CRYGN: variants seen among roughly 807,000 people sequenced by gnomAD.
CRYGN encodes the protein gamma-crystallin N.
Under a neutral mutation model 19.2 loss-of-function variants are expected in CRYGN, and 17 were observed. The observed-to-expected ratio is 0.89, with a 90% CI of 0.61 to 1.33. The LOEUF is 1.33. Ranked by LOEUF, CRYGN falls within the 40% of genes most tolerant of loss-of-function variation. CRYGN has a pLI of 0.00. For missense variants in CRYGN, 239 were observed against 239.6 expected (o/e 1.00, Z 0.02); for synonymous variants, 84 against 85.8 (o/e 0.98, Z 0.12).
rs779045162 is a variant in CRYGN, at chr7:151,435,865, C to A, written c.416+315G>T. On this transcript the variant is annotated intron_variant, in intron 3 of 3. Coordinates refer to ENST00000337323, the MANE Select transcript of CRYGN (RefSeq NM_144727.3). The surrounding 1 kb of genome is among the most constrained non-coding windows in gnomAD (Gnocchi z 4.2). ...TTGTATCAGATCAATCGCAGAGAAC[C>A]GTGCAACTTTCAAGGTACTCTCCTA... 6.6e-6 allele frequency among the ~76,000 whole-genome samples: 1 copy of A among 152,152 alleles called. No individual in the cohort carries two copies. The highest frequency in any genetic ancestry group is 2.1e-4 in the South Asian group (1 of 4,832).
At position 151,430,070 on chromosome 7, in the gene CRYGN, G is replaced by T; in HGVS notation, c.527C>A (p.Pro176His). The change falls in exon 4 of 4, where the codon CCT (proline) becomes CAT (histidine). Residue 176 changes from proline to histidine, a missense_variant. Physicochemically the swap from Pro to His is moderately conservative, Grantham distance 77. Transcript: ENST00000337323. The surrounding 1 kb of genome is among the most constrained non-coding windows in gnomAD (Gnocchi z 5.2). ...ATTKPATTQP[P>H]FLTANL ...GGCTCAGAGGTTTGCAGTCAGGAAA[G>T]GTGGCTGGGTTGTTGCTGGTTTTGT... 7.8e-7 allele frequency: 1 copy of T among 1,284,190 alleles called. No homozygotes were observed. Among genetic ancestry groups the T allele is most frequent in the Non-Finnish European group, 1.1e-6 (1 of 878,628 alleles). The allele number at this position is 1,284,190 out of a possible 1,614,324, so 79.5% of individuals were successfully genotyped here. A position where few individuals can be genotyped will look rare whatever the true frequency, so the allele number is the denominator to read the frequency against.
Position 151,439,954 on chromosome 7 carries a change from C to A in CRYGN, c.-37G>T, listed in dbSNP as rs1396049255. ...CCCCTTCCGCGGGTCCCCGTTTACA[C>A]CGGGCAGCGCCCTGCTGGCTCAGCG... is the stretch of plus-strand genomic sequence containing the variant. On this transcript the variant is annotated 5_prime_UTR_variant, in exon 1 of 4. Transcript: ENST00000337323. 10 of 1,508,566 alleles carry A rather than the reference C, an allele frequency of 6.6e-6. No individual in the cohort carries two copies. The highest frequency in any genetic ancestry group is 8.0e-6 in the Non-Finnish European group (9 of 1,128,304). 93.4% of individuals were successfully genotyped at this position (1,508,566 alleles called of 1,614,324 possible).
At chr7:151,440,154 T>G, upstream of CRYGN, 2 of 1,292,254 alleles carry the variant, frequency 1.5e-6, no homozygotes, top group Non-Finnish European at 2.0e-6. Flanking sequence ...CTCCCGAGCC[T>G]CCTTCCTCCC....
In CRYGN at chr7:151,435,600, A is replaced by G. The variant is rs1182166855; in HGVS notation, c.416+580T>C. On this transcript the variant is annotated intron_variant, in intron 3 of 3. Coordinates refer to ENST00000337323, the MANE Select transcript of CRYGN (RefSeq NM_144727.3). This position sits in a 1 kb window ranked among gnomAD's most constrained non-coding sequence, Gnocchi z 4.2. ...GGGCCTGGGCAAAATTCCCCCAGCT[A>G]CTTTCTGTCCAGGAGTGAGCCACCC... 1.3e-5 allele frequency among the ~76,000 whole-genome samples: 2 copies of G among 151,768 alleles called. No homozygotes were observed. The highest frequency in any genetic ancestry group is 2.9e-5 in the Non-Finnish European group (2 of 67,984).
chr7:151,432,056 T>A (rs1801481224), intron 3 of CRYGN: 2 of 548,232 alleles, frequency 3.6e-6, no homozygotes, highest in Non-Finnish European at 5.5e-6. Flanking sequence ...CTTTGAGGAC[T>A]TTTATCGCCC....
chr7:151,437,495 G>C (rs75866405), intron 2 of CRYGN, among the ~76,000 whole-genome samples: 44 of 152,222 alleles, frequency 2.9e-4, no homozygotes, highest in Non-Finnish European at 4.4e-4. Flanking sequence ...CCTCTTGGGC[G>C]GCAGCTACCT....
chr7:151,437,254 G>C (rs894466297), intron 2 of CRYGN, among the ~76,000 whole-genome samples: 1 of 152,168 alleles, frequency 6.6e-6, no homozygotes, highest in Non-Finnish European at 1.5e-5. Flanking sequence ...CCCAGGCGTC[G>C]GGGGAGGGTC....
chr7:151,438,493 A>ATT (rs1430134873), intron 1 of CRYGN, among the ~76,000 whole-genome samples: 2 of 152,168 alleles, frequency 1.3e-5, no homozygotes, highest in East Asian at 1.9e-4. Flanking sequence ...GGGCAGACAA[A>ATT]TTTCAGCAGC....
chr7:151,431,097 C>T lies in CRYGN; in HGVS notation c.417-917G>A, dbSNP rs112264562. Among the ~76,000 whole-genome samples the T allele has an allele frequency of 4.9e-4, 74 of 152,328 alleles. No homozygotes were observed. The highest frequency in any genetic ancestry group is 1.7e-3 in the African/African-American group (71 of 41,566). ...AAGCCCAGAGCACTCCATCTGTTGC[C>T]TCCTTCTGGGGTGGGCTATGGTTTC... On this transcript the variant is annotated intron_variant, in intron 3 of 3. Transcript: ENST00000337323. The surrounding 1 kb of genome is among the most constrained non-coding windows in gnomAD (Gnocchi z 4.8).
chr7:151,439,923 G>T lies in CRYGN; in HGVS notation c.-6C>A, dbSNP rs1473325352. The T allele has an allele frequency of 5.8e-6, 9 of 1,541,440 alleles. No homozygotes were observed. The highest frequency in any genetic ancestry group is 2.0e-5 in the Admixed American group (1 of 50,624). ...TTCCCCGAGCGCTGCGCCATGGTGC[G>T]CCCCGCCCCTTCCGCGGGTCCCCGT... On this transcript the variant is annotated 5_prime_UTR_variant, in exon 1 of 4. Transcript: ENST00000337323.
At position 151,429,300 on chromosome 7, in the gene CRYGN, CT is replaced by C. The variant is rs1801414657; in HGVS notation, c.*747del. ...TCCTGTGATGCCACTCCCCTGCCTG[CT>C]TCCCCACCCCGTCACCTACTGGGTC... is the stretch of plus-strand genomic sequence containing the variant. On this transcript the variant is annotated 3_prime_UTR_variant, in exon 4 of 4. Transcript: ENST00000337323. 6.6e-6 allele frequency: 1 copy of C among 152,346 alleles called. No homozygotes were observed. The highest frequency in any genetic ancestry group is 2.4e-5 in the African/African-American group (1 of 41,440). 9.4% of individuals were successfully genotyped at this position (152,346 alleles called of 1,614,324 possible).
rs1563080336 is a variant in CRYGN, at chr7:151,433,535, G to T, written c.416+2645C>A. ...AGAGAGAGGCAGAGGGTGTGAGCCA[G>T]CCTGGAGCACCTGCTGGGGGACTCA... On this transcript the variant is annotated intron_variant, in intron 3 of 3. Coordinates refer to ENST00000337323, the MANE Select transcript of CRYGN (RefSeq NM_144727.3). The surrounding 1 kb of genome is among the most constrained non-coding windows in gnomAD (Gnocchi z 5.1). 6.4e-6 allele frequency: 1 copy of T among 155,196 alleles called. No individual in the cohort carries two copies. The highest frequency in any genetic ancestry group is 1.5e-5 in the Non-Finnish European group (1 of 68,522). 9.6% of individuals were successfully genotyped at this position (155,196 alleles called of 1,614,324 possible).
rs569151957 is a variant in CRYGN at position 151,431,172 on chromosome 7, G to C, written c.417-992C>G. Among the ~76,000 whole-genome samples, 1 of 152,322 alleles carries C rather than the reference G, an allele frequency of 6.6e-6. No individual in the cohort carries two copies. Among genetic ancestry groups the C allele is most frequent in the Admixed American group, 6.5e-5 (1 of 15,304 alleles). On this transcript the variant is annotated intron_variant, in intron 3 of 3. Coordinates refer to ENST00000337323, the MANE Select transcript of CRYGN (RefSeq NM_144727.3). This position sits in a 1 kb window ranked among gnomAD's most constrained non-coding sequence, Gnocchi z 4.8. ...CTCTGCTGGAGGGCTGCCGGCAGCAGGGAGTTACCTGGGCCACCCCCAGGG... is the reference window on the plus strand; with the variant it reads ...CTCTGCTGGAGGGCTGCCGGCAGCACGGAGTTACCTGGGCCACCCCCAGGG...
Position 151,436,421 on chromosome 7 carries a change from A to C in CRYGN, c.271-96T>G. On this transcript the variant is annotated intron_variant, in intron 2 of 3. Transcript: ENST00000337323. This position sits in a 1 kb window ranked among gnomAD's most constrained non-coding sequence, Gnocchi z 5.1. The stretch of plus-strand genomic sequence containing the variant: ...CCCATGCAGGAAGGAATTAGGAGGT[A>C]CCCAAGGCACTGGGCACCCCCACCC... 2 of 1,198,804 alleles carry C rather than the reference A, an allele frequency of 1.7e-6. No homozygotes were observed. Among genetic ancestry groups the C allele is most frequent in the Non-Finnish European group, 2.3e-6 (2 of 886,762 alleles). 74.3% of individuals were successfully genotyped at this position (1,198,804 alleles called of 1,614,324 possible).
At chr7:151,432,464 G>A (rs1483528675) in intron 3 of CRYGN, among the ~76,000 whole-genome samples, 1 of 152,200 alleles carries the variant, frequency 6.6e-6, no homozygotes, top group Non-Finnish European at 1.5e-5. Flanking sequence ...CCATGCTGGG[G>A]TGTGACATGT....
Position 151,429,978 on chromosome 7 carries a change from T to C in CRYGN, c.*70A>G. On this transcript the variant is annotated 3_prime_UTR_variant, in exon 4 of 4. Coordinates refer to ENST00000337323, the MANE Select transcript of CRYGN (RefSeq NM_144727.3). ...GGCAGAGAAATGAAAACTGAGGGCATGATTTTAAGTAAACACTCTCCCGGC... is the reference window on the plus strand; with the variant it reads ...GGCAGAGAAATGAAAACTGAGGGCACGATTTTAAGTAAACACTCTCCCGGC... 2 of 784,992 alleles carry C rather than the reference T, an allele frequency of 2.5e-6. No individual in the cohort carries two copies. Among genetic ancestry groups the C allele is most frequent in the Non-Finnish European group, 2.4e-6 (1 of 424,466 alleles). 48.6% of individuals were successfully genotyped at this position (784,992 alleles called of 1,614,324 possible).
At position 151,436,428 on chromosome 7, in the gene CRYGN, G is replaced by A; in HGVS notation, c.271-103C>T. ...AGGAAGGAATTAGGAGGTACCCAAG[G>A]CACTGGGCACCCCCACCCCACACAC... On this transcript the variant is annotated intron_variant, in intron 2 of 3. Coordinates refer to ENST00000337323, the MANE Select transcript of CRYGN (RefSeq NM_144727.3). The surrounding 1 kb of genome is among the most constrained non-coding windows in gnomAD (Gnocchi z 5.1). The A allele has an allele frequency of 9.4e-7, 1 of 1,059,542 alleles. No individual in the cohort carries two copies. Among genetic ancestry groups the A allele is most frequent in the Non-Finnish European group, 1.3e-6 (1 of 765,180 alleles). 65.6% of individuals were successfully genotyped at this position (1,059,542 alleles called of 1,614,324 possible).
chr7:151,440,107 G>A lies in CRYGN; in HGVS notation c.-190C>T. 7.3e-7 allele frequency: 1 copy of A among 1,361,354 alleles called. No homozygotes were observed. The highest frequency in any genetic ancestry group is 9.4e-7 in the Non-Finnish European group (1 of 1,061,992). The allele number at this position is 1,361,354 out of a possible 1,614,324, so 84.3% of individuals were successfully genotyped here. A position where few individuals can be genotyped will look rare whatever the true frequency, so the allele number is the denominator to read the frequency against. On this transcript the variant is annotated 5_prime_UTR_variant, in exon 1 of 4. Coordinates refer to ENST00000337323, the MANE Select transcript of CRYGN (RefSeq NM_144727.3). Reference sequence around the variant, plus strand: ...CCCTGTGCCACCGCGAGTGCAGCCCGCCCTGCCCGGGGTCTCCCTGTGCTC... The same window carrying A: ...CCCTGTGCCACCGCGAGTGCAGCCCACCCTGCCCGGGGTCTCCCTGTGCTC...
intron 3 of CRYGN, chr7:151,432,317 G>A: frequency 3.4e-6 from 4 of 1,163,106 alleles, no homozygotes; most frequent in Non-Finnish European, 4.3e-6. Flanking sequence ...ATCAGGGGCT[G>A]CCAGGAAGTC....
Sources: gnomAD v4.1 joint callset for allele counts (sites outside exome capture counted in the v4.1 genomes callset) on GRCh38, gnomAD v4.1.1 for gene constraint, Gnocchi (gnomAD v3.1) non-coding constraint, MANE v1.5 for transcripts, NCBI Gene and HGNC (gene_info 2026-07-23, HGNC 2026-07-21) for gene names.